Variants in GFRA2 observed in about 807,000 individuals in gnomAD.
GFRA2 encodes the protein GDNF family receptor alpha 2.
Under a neutral mutation model 48.3 loss-of-function variants are expected in GFRA2, and 17 were observed. That is an observed-to-expected ratio of 0.35 (90% CI 0.24 to 0.53). The LOEUF is 0.53. GFRA2 is among the 20% of genes least tolerant of loss of function. The pLI is 0.93. For synonymous variants in GFRA2, 305 were observed against 257.2 expected (o/e 1.19, Z -1.78); for missense variants, 660 against 637.3 (o/e 1.04, Z -0.38).
At chr8:21,758,782 G>C (rs1488563309) in intron 3 of GFRA2, among the ~76,000 whole-genome samples, 1 of 152,106 alleles carries the variant, frequency 6.6e-6, no homozygotes, top group African/African-American at 2.4e-5. Context: ...AAGCCCTGCT[G>C]TCTCACCTCA....
chr8:21,767,458 G>A (rs1203104815), intron 3 of GFRA2, among the ~76,000 whole-genome samples: 5 of 152,386 alleles, frequency 3.3e-5, no homozygotes, highest in Non-Finnish European at 7.3e-5. Flanking sequence ...GGTTACAGGA[G>A]CGTGCAGGCA....
At chr8:21,711,872 T>C (rs931815912) in intron 4 of GFRA2, among the ~76,000 whole-genome samples, 3 of 152,006 alleles carry the variant, frequency 2.0e-5, no homozygotes, top group Non-Finnish European at 4.4e-5. Context: ...GATTAGGGAG[T>C]GGTGATGACT....
At chr8:21,730,121 C>G (rs1036196504) in intron 4 of GFRA2, among the ~76,000 whole-genome samples, 4 of 151,972 alleles carry the variant, frequency 2.6e-5, no homozygotes, top group Non-Finnish European at 5.9e-5. Context: ...ACCAGGTCAC[C>G]CGGCCAGGCG....
At chr8:21,730,072 T>C (rs1804105904) in intron 4 of GFRA2, among the ~76,000 whole-genome samples, 2 of 151,994 alleles carry the variant, frequency 1.3e-5, no homozygotes, top group African/African-American at 4.8e-5. Flanking sequence ...AGGTGTTTCC[T>C]GGGTTCTCAG....
chr8:21,795,761 G>A (rs1270305784), intron 2 of GFRA2, among the ~76,000 whole-genome samples: 1 of 152,188 alleles, frequency 6.6e-6, no homozygotes, highest in African/African-American at 2.4e-5. Flanking sequence ...CCAGCAAGTG[G>A]CAGAGCTAAG....
chr8:21,766,488 C>A (rs1238839132), intron 3 of GFRA2, among the ~76,000 whole-genome samples: 1 of 151,868 alleles, frequency 6.6e-6, no homozygotes, highest in African/African-American at 2.4e-5. Context: ...AATTCACACA[C>A]CTTCCCTCTG....
At position 21,705,053 on chromosome 8, in the gene GFRA2, C is replaced by G. The variant is rs781276745; in HGVS notation, c.977G>C (p.Arg326Pro). 3 of 1,610,822 alleles carry G rather than the reference C, an allele frequency of 1.9e-6. No individual in the cohort carries two copies. Among genetic ancestry groups the G allele is most frequent in the Non-Finnish European group, 2.5e-6 (3 of 1,179,036 alleles). The change falls in exon 6 of 9, where the codon CGT becomes CCT. Residue 326 changes from arginine to proline, a missense_variant. By Grantham distance (103) the Arg-to-Pro change is moderately radical. Coordinates refer to ENST00000524240, the MANE Select transcript of GFRA2 (RefSeq NM_001495.5). ...GIVVSPWCSC[R>P]GSGNMEEECE... ...CTCCTCCTCCATGTTCCCGCTGCCA[C>G]GACAGCTGCACCAGGGGGACACCAC...
chr8:21,772,943 T>C (rs1380911957), intron 3 of GFRA2, among the ~76,000 whole-genome samples: 2 of 152,218 alleles, frequency 1.3e-5, no homozygotes, highest in Non-Finnish European at 2.9e-5. Flanking sequence ...CAGTGTCACC[T>C]GTGCACGCAG....
At chr8:21,736,688 G>A (rs1267618799) in intron 4 of GFRA2, among the ~76,000 whole-genome samples, 2 of 151,914 alleles carry the variant, frequency 1.3e-5, no homozygotes, top group Non-Finnish European at 2.9e-5. Flanking sequence ...TTTTAATAGA[G>A]ACAGTGTCTC....
chr8:21,761,802 T>A (rs1805924011), intron 3 of GFRA2, among the ~76,000 whole-genome samples: 2 of 152,170 alleles, frequency 1.3e-5, no homozygotes, highest in East Asian at 3.9e-4. Context: ...ATATGGAAAT[T>A]AGCTGGGCGT....
At chr8:21,775,967 T>C (rs79885590) in intron 2 of GFRA2, among the ~76,000 whole-genome samples, 12,296 of 149,906 alleles carry the variant, frequency 0.082, 649 homozygotes, top group East Asian at 0.21. Context: ...TGAGGGGAAA[T>C]TGATGGCTCA....
Position 21,705,092 on chromosome 8 carries a change from C to T in GFRA2, c.938G>A (p.Ser313Asn). Residue 313 changes from serine (S) to asparagine (N), a missense_variant, in exon 6 of 9, where the codon AGC becomes AAC. Transcript: ENST00000524240. Reference sequence around the variant, plus strand: ...GGGGGACACCACGATGCCAGTGGGGCTGGAGTCCACATAGTTAGGTGTCAT... The same window carrying T: ...GGGGGACACCACGATGCCAGTGGGGTTGGAGTCCACATAGTTAGGTGTCAT... ...FDMTPNYVDS[S>N]PTGIVVSPWC... 6.2e-7 allele frequency: 1 copy of T among 1,611,122 alleles called. No homozygotes were observed. Among genetic ancestry groups the T allele is most frequent in the South Asian group, 1.1e-5 (1 of 90,216 alleles).
intron 6 of GFRA2, among the ~76,000 whole-genome samples, chr8:21,704,519 T>C (rs936729801): frequency 7.2e-5 from 11 of 152,182 alleles, no homozygotes; most frequent in African/African-American, 1.9e-4. Flanking sequence ...CAGGTGGGCA[T>C]GGATGGCAAT....
rs73669517 is a variant in GFRA2, at chr8:21,708,899, C to T, written c.795-2858G>A. On this transcript the variant is annotated intron_variant, in intron 4 of 8. Transcript: ENST00000524240. ...GAATAAACTTCTGTTGTAAGCCACC[C>T]AGCTTGTGGTACTTTGCTACAGCGG... Among the ~76,000 whole-genome samples the T allele has an allele frequency of 4.5e-3, 681 of 152,336 alleles. 6 individuals carry two copies. The highest frequency in any genetic ancestry group is 0.016 in the African/African-American group (656 of 41,576).
At chr8:21,700,847 C>T (rs564255387) in intron 7 of GFRA2, among the ~76,000 whole-genome samples, 305 of 152,252 alleles carry the variant, frequency 2.0e-3, no homozygotes, top group Middle Eastern at 3.4e-3. Flanking sequence ...CCAGGCTCAG[C>T]TCTCTGTCCC....
intron 3 of GFRA2, among the ~76,000 whole-genome samples, chr8:21,758,076 C>T (rs990382732): frequency 1.1e-4 from 17 of 152,134 alleles, no homozygotes; most frequent in Admixed American, 3.3e-4. Context: ...CAGGCCCCAC[C>T]GAGTCAGGAG....
chr8:21,772,021 G>A (rs939769553), intron 3 of GFRA2, among the ~76,000 whole-genome samples: 9 of 152,240 alleles, frequency 5.9e-5, no homozygotes, highest in South Asian at 2.1e-4. Flanking sequence ...ACATGTGCCC[G>A]GATATTGACA....
In GFRA2 at chr8:21,782,616, G is replaced by A; in HGVS notation, c.324C>T (p.Ile108=). 1 of 1,584,758 alleles carries A rather than the reference G, an allele frequency of 6.3e-7. No individual in the cohort carries two copies. The highest frequency in any genetic ancestry group is 1.3e-5 in the African/African-American group (1 of 74,234). Residue 108 remains isoleucine, a synonymous_variant, in exon 2 of 9, where the codon ATC becomes ATT. Coordinates refer to ENST00000524240, the MANE Select transcript of GFRA2 (RefSeq NM_001495.5). ...GMKKELQCLQ[I]YWSIHLGLTE... is the part of the protein sequence containing the mutation. ...TCAGCCCCAGGTGGATGCTCCAGTA[G>A]ATCTGCAGACACTGCAGCTCCTTCT...
intron 1 of GFRA2, chr8:21,784,184 C>G: frequency 7.2e-6 from 3 of 418,328 alleles, no homozygotes. Flanking sequence ...CAGGGACAGG[C>G]TCGCCTGATC....
Sources: gnomAD v4.1 joint callset for allele counts (sites outside exome capture counted in the v4.1 genomes callset) on GRCh38, gnomAD v4.1.1 for gene constraint, MANE v1.5 for transcripts, NCBI Gene and HGNC (gene_info 2026-07-23, HGNC 2026-07-21) for gene names.